The following PCCB variants were observed in gnomAD, a reference collection of about 807,000 sequenced individuals.
PCCB encodes the protein propionyl-CoA carboxylase beta chain, mitochondrial.
A neutral mutation model predicts 60.7 loss-of-function variants in PCCB; 43 were observed. That is an observed-to-expected ratio of 0.71 (90% CI 0.55 to 0.91). PCCB has a LOEUF of 0.91. PCCB is among the 40% of genes least tolerant of loss of function. PCCB has a pLI of 0.00. For synonymous variants in PCCB, 276 were observed against 255.9 expected, an observed-to-expected ratio of 1.08 and a Z score of -0.75; for missense variants, 766 against 702.8, an observed-to-expected ratio of 1.09 and a Z score of -1.02.
At chr3:136,266,141 T>C (rs1941977599) in intron 5 of PCCB, among the ~76,000 whole-genome samples, 1 of 149,522 alleles carries the variant, frequency 6.7e-6, no homozygotes, top group African/African-American at 2.5e-5. Context: ...GTTTTTTTTT[T>C]TTTTTGAGAT....
intron 2 of PCCB, 118 bp downstream of exon 2, chr3:136,256,093 A>C: frequency 7.0e-7 from 1 of 1,427,450 alleles, no homozygotes; most frequent in Non-Finnish European, 9.7e-7. Context: ...GGCACTGCAG[A>C]CATCAAGCCC....
At chr3:136,314,155 A>G (rs768393257) in intron 9 of PCCB, among the ~76,000 whole-genome samples, 31 of 152,314 alleles carry the variant, frequency 2.0e-4, no homozygotes, top group South Asian at 4.1e-4. Context: ...AATATAAGGT[A>G]GTGCTCAAAG....
chr3:136,317,869 C>T (rs1934966098), intron 10 of PCCB, among the ~76,000 whole-genome samples: 1 of 152,200 alleles, frequency 6.6e-6, no homozygotes, highest in Non-Finnish European at 1.5e-5. Flanking sequence ...GGAGACTCTT[C>T]CATGGCTGTG....
chr3:136,272,671 A>G (rs1942230622), intron 5 of PCCB, among the ~76,000 whole-genome samples: 1 of 151,922 alleles, frequency 6.6e-6, no homozygotes, highest in Non-Finnish European at 1.5e-5. Flanking sequence ...GATCTTTTGT[A>G]TTTCTATGAT....
In PCCB at chr3:136,299,538, GTGTATAGGTA is replaced by G. The variant is rs1934119265; in HGVS notation, c.884+1469_884+1478del. Among the ~76,000 whole-genome samples, 7 of 70,374 alleles carry G rather than the reference GTGTATAGGTA, an allele frequency of 9.9e-5. 2 individuals carry two copies. The highest frequency in any genetic ancestry group is 4.6e-4 in the African/African-American group (5 of 10,782). 46.2% of individuals were successfully genotyped at this position (70,374 alleles called of 152,430 possible). A position where few individuals can be genotyped will look rare whatever the true frequency, so the allele number is the denominator to read the frequency against. Reference sequence around the variant, plus strand: ...TGCATGTGTATGTATGTATATGCATGTGTATAGGTATGCATGTGTATGTATGTATATGCAT... The same window carrying G: ...TGCATGTGTATGTATGTATATGCATGTGCATGTGTATGTATGTATATGCAT... On this transcript the variant is annotated intron_variant, in intron 8 of 14. Transcript: ENST00000251654.
At chr3:136,256,491 TG>T in intron 2 of PCCB, 63 bp from the exon 3 acceptor site, 1 of 1,202,088 alleles carries the variant, frequency 8.3e-7, no homozygotes, top group Non-Finnish European at 1.2e-6. Flanking sequence ...TGAGGCATAG[TG>T]GCCAAACTCA....
intron 10 of PCCB, among the ~76,000 whole-genome samples, chr3:136,322,687 A>G (rs1560031491): frequency 6.6e-6 from 1 of 152,196 alleles, no homozygotes; most frequent in Non-Finnish European, 1.5e-5. Flanking sequence ...TTTACTTGAG[A>G]TATTTATTTC....
intron 6 of PCCB, among the ~76,000 whole-genome samples, chr3:136,291,569 T>C (rs1933691027): frequency 6.6e-6 from 1 of 152,136 alleles, no homozygotes; most frequent in African/African-American, 2.4e-5. Flanking sequence ...TGTGTCTCAG[T>C]CTCTCGTACT....
intron 4 of PCCB, among the ~76,000 whole-genome samples, chr3:136,261,724 G>A (rs1009982045): frequency 1.3e-5 from 2 of 152,240 alleles, no homozygotes; most frequent in East Asian, 3.8e-4. Flanking sequence ...CTAATGGGAA[G>A]TGCTTTGGCT....
At chr3:136,327,296 C>A in intron 12 of PCCB, 41 bp downstream of exon 12, 1 of 1,477,026 alleles carries the variant, frequency 6.8e-7, no homozygotes, top group Non-Finnish European at 9.5e-7. Flanking sequence ...TGCTCACTTT[C>A]CTACAGCATA....
intron 10 of PCCB, among the ~76,000 whole-genome samples, chr3:136,323,277 A>G (rs1383378800): frequency 6.6e-6 from 1 of 152,056 alleles, no homozygotes; most frequent in Non-Finnish European, 1.5e-5. Flanking sequence ...GGTTCTGCTC[A>G]TTTAATTTTT....
chr3:136,265,912 A>G (rs1576410665), intron 5 of PCCB, among the ~76,000 whole-genome samples: 1 of 145,954 alleles, frequency 6.9e-6, no homozygotes, highest in South Asian at 2.2e-4. Context: ...TGCAAGCTCC[A>G]CCTCCTGGGT....
chr3:136,299,988 GTATA>G (rs532173383), intron 8 of PCCB, among the ~76,000 whole-genome samples: 9 of 151,614 alleles, frequency 5.9e-5, no homozygotes, highest in East Asian at 1.9e-4. Context: ...ACATGCATGT[GTATA>G]TATGCATACC....
intron 14 of PCCB, 41 bp from the exon 15 acceptor site, chr3:136,329,864 C>A: frequency 6.2e-7 from 1 of 1,610,330 alleles, no homozygotes; most frequent in South Asian, 1.1e-5. Context: ...GGCATCATCT[C>A]GGGATGCAGA....
chr3:136,260,307 G>T, intron 3 of PCCB, 172 bp from the exon 4 acceptor site: 1 of 689,710 alleles, frequency 1.4e-6, no homozygotes, highest in Non-Finnish European at 2.6e-6. Flanking sequence ...CAGACTCCTG[G>T]ACTCAAGCCA....
chr3:136,301,228 C>A, intron 9 of PCCB, 117 bp downstream of exon 9: 1 of 800,644 alleles, frequency 1.2e-6, no homozygotes, highest in Non-Finnish European at 2.2e-6. Flanking sequence ...CAGCACAGGT[C>A]GGGAATAGGG....
chr3:136,317,607 G>T (rs1034728398), intron 10 of PCCB, among the ~76,000 whole-genome samples: 2 of 152,068 alleles, frequency 1.3e-5, no homozygotes, highest in Admixed American at 1.3e-4. Flanking sequence ...TACATTCTTA[G>T]TGTATAAGGT....
At chr3:136,252,662 A>C (rs1256716914) in intron 1 of PCCB, among the ~76,000 whole-genome samples, 1 of 120,910 alleles carries the variant, frequency 8.3e-6, no homozygotes, top group African/African-American at 3.2e-5. Flanking sequence ...TACCCAGCTA[A>C]TTTTTTTTTT....
At chr3:136,325,462 T>C (rs1935271526) in intron 10 of PCCB, among the ~76,000 whole-genome samples, 2 of 152,050 alleles carry the variant, frequency 1.3e-5, no homozygotes, top group African/African-American at 2.4e-5. Context: ...TTCAAGTGAT[T>C]CTCCTTCCTC....
Sources: allele counts gnomAD v4.1 joint callset (sites outside exome capture counted in the v4.1 genomes callset), GRCh38; gene constraint gnomAD v4.1.1; transcripts MANE v1.5; gene names NCBI Gene and HGNC (gene_info 2026-07-23, HGNC 2026-07-21).